The following KCNH1 variants were observed in gnomAD, a reference collection of about 807,000 sequenced individuals.
The protein encoded by KCNH1 is voltage-gated delayed rectifier potassium channel KCNH1.
A neutral mutation model predicts 69.2 loss-of-function variants in KCNH1; 27 were observed. The observed-to-expected ratio is 0.39, with a 90% confidence interval of 0.29 to 0.54. KCNH1 has a LOEUF of 0.54. KCNH1 is among the 20% of genes least tolerant of loss of function. KCNH1 has a pLI of 0.68. For synonymous variants in KCNH1, 456 were observed against 487.7 expected (o/e 0.93, Z 0.86); for missense variants, 798 against 1,261.6 (o/e 0.63, Z 5.57).
intron 6 of KCNH1, among the ~76,000 whole-genome samples, chr1:211,004,617 G>A (rs541238887): frequency 1.3e-5 from 2 of 152,078 alleles, no homozygotes; most frequent in East Asian, 3.9e-4. Flanking sequence ...AAACAACTAA[G>A]AGCAAATAGC....
At chr1:210,934,442 C>T (rs1022948946) in intron 6 of KCNH1, among the ~76,000 whole-genome samples, 1 of 152,164 alleles carries the variant, frequency 6.6e-6, no homozygotes, top group Non-Finnish European at 1.5e-5. Context: ...ATCATGAGGT[C>T]AGGAGTTCCA....
intron 6 of KCNH1, among the ~76,000 whole-genome samples, chr1:211,006,946 T>C (rs1405195492): frequency 6.6e-6 from 1 of 152,026 alleles, no homozygotes; most frequent in African/African-American, 2.4e-5. Context: ...CATATATATA[T>C]GCTTTATATA....
intron 10 of KCNH1, among the ~76,000 whole-genome samples, chr1:210,741,730 G>A (rs1031851417): frequency 1.3e-5 from 2 of 152,136 alleles, no homozygotes; most frequent in Non-Finnish European, 2.9e-5. Flanking sequence ...GTGTACAAGA[G>A]ACCAGCCCTG....
intron 10 of KCNH1, among the ~76,000 whole-genome samples, chr1:210,694,941 T>A (rs1681605920): frequency 6.6e-6 from 1 of 152,200 alleles, no homozygotes. Context: ...CAGCCTGAGC[T>A]GATCTGGGAA....
rs1285277991 is a variant in KCNH1, at chr1:210,680,195, G to A, written c.*3086C>T. The A allele has an allele frequency of 6.6e-6, 1 of 152,124 alleles. No homozygotes were observed. Among genetic ancestry groups the A allele is most frequent in the African/African-American group, 2.4e-5 (1 of 41,352 alleles). The allele number at this position is 152,124 out of a possible 1,614,324, so 9.4% of individuals were successfully genotyped here. A position where few individuals can be genotyped will look rare whatever the true frequency, so the allele number is the denominator to read the frequency against. ...CTTAAACCCACCCCTCCATCAGCCG[G>A]GAGGAGCACGTTCAACCAGCAGCCA... is the stretch of plus-strand genomic sequence containing the variant. On this transcript the variant is annotated 3_prime_UTR_variant, in exon 11 of 11. Transcript: ENST00000271751.
At chr1:211,036,069 G>A (rs1689891741) in intron 5 of KCNH1, among the ~76,000 whole-genome samples, 1 of 152,316 alleles carries the variant, frequency 6.6e-6, no homozygotes, top group South Asian at 2.1e-4. Context: ...GGCTTTAATC[G>A]GGTATTGCAG....
At chr1:210,747,642 CAA>C (rs11449700) in intron 10 of KCNH1, among the ~76,000 whole-genome samples, 14 of 141,402 alleles carry the variant, frequency 9.9e-5, no homozygotes, top group Admixed American at 1.4e-4. Flanking sequence ...CTTTCACATG[CAA>C]AAAAAAAAAA....
intron 7 of KCNH1, among the ~76,000 whole-genome samples, chr1:210,889,215 T>TCC (rs1236148125): frequency 6.6e-6 from 1 of 152,146 alleles, no homozygotes; most frequent in African/African-American, 2.4e-5. Flanking sequence ...CACGATCAAG[T>TCC]CAGCTTCATC....
chr1:211,119,869 A>G (rs980881039), intron 1 of KCNH1, among the ~76,000 whole-genome samples: 3 of 152,214 alleles, frequency 2.0e-5, no homozygotes, highest in African/African-American at 2.4e-5. Context: ...AGAGATTTCA[A>G]TTTCAAAAGC....
intron 7 of KCNH1, among the ~76,000 whole-genome samples, chr1:210,871,957 A>T (rs534906211): frequency 8.6e-5 from 13 of 150,772 alleles, no homozygotes; most frequent in Non-Finnish European, 1.8e-4. Flanking sequence ...ATGCTAGAGG[A>T]CGAGTTAGTG....
At chr1:210,959,160 ACAGT>A (rs964076490) in intron 6 of KCNH1, among the ~76,000 whole-genome samples, 56 of 152,204 alleles carry the variant, frequency 3.7e-4, no homozygotes, top group African/African-American at 1.3e-3. Context: ...TTTCCTTCTA[ACAGT>A]CAGGTCTCTC....
intron 10 of KCNH1, among the ~76,000 whole-genome samples, chr1:210,700,265 T>TATC (rs1286458939): frequency 1.3e-5 from 2 of 152,228 alleles, no homozygotes; most frequent in African/African-American, 4.8e-5. Context: ...GAAACACTGC[T>TATC]ATCTTTGGTA....
rs145248227 is a variant in KCNH1, at chr1:210,683,309, G to C, written c.2942C>G (p.Ser981Ter). 36 of 1,613,768 alleles carry C rather than the reference G, an allele frequency of 2.2e-5. No individual in the cohort carries two copies. The highest frequency in any genetic ancestry group is 5.0e-5 in the Admixed American group (3 of 59,970). ...GCTGGCTCCAAAAATGTCTCTCTCT[G>C]ATTCTGGGGACTGTGGCCTCGATAT... ...FEISRPQSPE[S>*]ERDIFGAS The change falls in exon 11 of 11, where the codon TCA becomes TGA. Residue 981 changes from serine (S) to a stop codon, truncating the protein, a stop_gained. Coordinates refer to ENST00000271751, the MANE Select transcript of KCNH1 (RefSeq NM_172362.3). LOFTEE classifies it high-confidence loss of function. This position sits in a 1 kb window ranked among gnomAD's most constrained non-coding sequence, Gnocchi z 5.7.
chr1:210,740,607 T>C (rs747265014), intron 10 of KCNH1, among the ~76,000 whole-genome samples: 1 of 152,064 alleles, frequency 6.6e-6, no homozygotes, highest in Non-Finnish European at 1.5e-5. Flanking sequence ...CTCTCTGTTA[T>C]TTACCTGTTG....
chr1:210,855,815 C>T (rs1236310153), intron 7 of KCNH1, among the ~76,000 whole-genome samples: 2 of 152,192 alleles, frequency 1.3e-5, no homozygotes, highest in Non-Finnish European at 2.9e-5. Flanking sequence ...CCCCTTAGTA[C>T]TTTCTCCCTG....
chr1:210,963,781 A>G (rs1433733959), intron 6 of KCNH1, among the ~76,000 whole-genome samples: 3 of 152,122 alleles, frequency 2.0e-5, no homozygotes, highest in East Asian at 3.9e-4. Flanking sequence ...TAAAAGAAGT[A>G]TGGGAATATG....
At chr1:211,123,610 T>C (rs1393297367) in intron 1 of KCNH1, among the ~76,000 whole-genome samples, 3 of 150,548 alleles carry the variant, frequency 2.0e-5, no homozygotes, top group East Asian at 3.9e-4. Context: ...AGACTAAAGG[T>C]AGACAGTGAC....
At chr1:211,087,744 A>G (rs75029575) in intron 4 of KCNH1, among the ~76,000 whole-genome samples, 2,350 of 152,226 alleles carry the variant, frequency 0.015, 30 homozygotes, top group Middle Eastern at 0.051. Flanking sequence ...TATTTGTCAG[A>G]GAGTAAGAGA....
chr1:211,079,713 A>C (rs1690815039), intron 5 of KCNH1, among the ~76,000 whole-genome samples: 1 of 152,236 alleles, frequency 6.6e-6, no homozygotes. Context: ...CCAACGACAA[A>C]AACTACATGA....
Sources: gnomAD v4.1 joint callset for allele counts (sites outside exome capture counted in the v4.1 genomes callset) on GRCh38, gnomAD v4.1.1 for gene constraint, Gnocchi (gnomAD v3.1) non-coding constraint, MANE v1.5 for transcripts, NCBI Gene and HGNC (gene_info 2026-07-23, HGNC 2026-07-21) for gene names.